PCNX2: variants seen among roughly 807,000 people sequenced by gnomAD.
PCNX2 encodes pecanex-like protein 2.
PCNX2 carries 168 observed loss-of-function variants against 223.8 expected under a neutral mutation model. The observed-to-expected ratio is 0.75, with a 90% CI of 0.66 to 0.85. PCNX2 has a LOEUF of 0.85. Ranked by LOEUF, PCNX2 falls within the 40% of genes least tolerant of loss-of-function variation. The pLI, the probability that PCNX2 is intolerant of heterozygous loss-of-function variation, is 0.00. For missense variants in PCNX2, 2,507 were observed against 2,675.5 expected, an observed-to-expected ratio of 0.94 and a Z score of 1.39; for synonymous variants, 1,006 against 1,052.6, an observed-to-expected ratio of 0.96 and a Z score of 0.86.
At chr1:233,038,876 GCTGATAACATTT>G (rs1671548161) in intron 25 of PCNX2, among the ~76,000 whole-genome samples, 1 of 152,200 alleles carries the variant, frequency 6.6e-6, no homozygotes, top group Non-Finnish European at 1.5e-5. Context: ...CTATGAGATG[GCTGATAACATTT>G]CACACAGACA....
intron 32 of PCNX2, among the ~76,000 whole-genome samples, chr1:232,989,778 A>G (rs543058076): frequency 3.3e-5 from 5 of 152,360 alleles, no homozygotes; most frequent in African/African-American, 9.6e-5. Flanking sequence ...GGGTGGGTAC[A>G]GTGTTTCTTA....
intron 25 of PCNX2, among the ~76,000 whole-genome samples, chr1:233,036,160 C>T (rs565972178): frequency 1.6e-4 from 25 of 152,138 alleles, no homozygotes; most frequent in Non-Finnish European, 2.6e-4. Context: ...CACGTCATGG[C>T]GGGGAACTTT....
At chr1:233,213,816 C>CTTTTTT (rs71173256) in intron 12 of PCNX2, among the ~76,000 whole-genome samples, 1 of 65,226 alleles carries the variant, frequency 1.5e-5, no homozygotes, top group Non-Finnish European at 2.8e-5. Context: ...CCAGTGCACT[C>CTTTTTT]TTTTTTTTTT....
intron 23 of PCNX2, among the ~76,000 whole-genome samples, chr1:233,061,217 C>G (rs1672394074): frequency 6.6e-6 from 1 of 152,100 alleles, no homozygotes; most frequent in African/African-American, 2.4e-5. Flanking sequence ...ATAGGCAGAC[C>G]AACCTTAAAG....
At chr1:233,155,297 C>T (rs1411630035) in intron 19 of PCNX2, among the ~76,000 whole-genome samples, 3 of 152,096 alleles carry the variant, frequency 2.0e-5, no homozygotes, top group Non-Finnish European at 2.9e-5. Flanking sequence ...CCTAGTGTCA[C>T]GGCCCACATT....
chr1:233,163,360 A>C (rs1678608619), intron 17 of PCNX2, among the ~76,000 whole-genome samples: 1 of 151,440 alleles, frequency 6.6e-6, no homozygotes, highest in Non-Finnish European at 1.5e-5. Context: ...GGTGGCTCAC[A>C]CCTGTGGTCC....
intron 21 of PCNX2, among the ~76,000 whole-genome samples, chr1:233,096,111 A>G (rs138204126): frequency 5.3e-5 from 8 of 152,360 alleles, no homozygotes; most frequent in Non-Finnish European, 1.0e-4. Context: ...CAACCTATAT[A>G]TATGGTGTAT....
At chr1:233,307,067 A>G in the PCNX2 span, among the ~76,000 whole-genome samples, 1 of 152,238 alleles carries the variant, frequency 6.6e-6, no homozygotes. Context: ...ATAAAGTTAC[A>G]TATAAAAGGA....
rs1450634864 is a variant in PCNX2, at chr1:233,295,432, G to C, written c.47C>G (p.Ala16Gly). 1 of 1,551,584 alleles carries C rather than the reference G, an allele frequency of 6.4e-7. No homozygotes were observed. The highest frequency in any genetic ancestry group is 8.7e-7 in the Non-Finnish European group (1 of 1,147,220). ...LQLLRQGVWA[A>G]LTGGWYHDPE... is the part of the protein sequence containing the mutation. ...GTCGTGGTACCAGCCCCCGGTGAGC[G>C]CGGCCCACACGCCCTGCCGGAGCAG... The change falls in exon 1 of 34, where the codon GCG becomes GGG. Residue 16 changes from alanine to glycine, a missense_variant. Physicochemically the swap from Ala to Gly is moderately conservative, Grantham distance 60. This residue lies in a region of PCNX2 where 1,031 missense variants were observed against 1,021.7 expected (regional missense o/e 1.01). Transcript: ENST00000258229. The surrounding 1 kb of genome is among the most constrained non-coding windows in gnomAD (Gnocchi z 4.1).
At chr1:233,123,540 C>T (rs1048101194) in intron 21 of PCNX2, among the ~76,000 whole-genome samples, 1 of 151,964 alleles carries the variant, frequency 6.6e-6, no homozygotes, top group South Asian at 2.1e-4. Flanking sequence ...CAAGATTGTG[C>T]CATTGCACTC....
chr1:233,317,189 G>C, the PCNX2 span, among the ~76,000 whole-genome samples: 10 of 152,172 alleles, frequency 6.6e-5, 1 homozygote, highest in Non-Finnish European at 1.5e-5. Flanking sequence ...TGAGGCAGGC[G>C]AATCAGCTGA....
intron 21 of PCNX2, among the ~76,000 whole-genome samples, chr1:233,106,345 C>A (rs945131007): frequency 1.3e-5 from 2 of 148,334 alleles, no homozygotes; most frequent in African/African-American, 5.0e-5. Context: ...CCTCTCCTCC[C>A]TCTTTTTTTT....
chr1:233,289,362 T>G, intron 1 of PCNX2: 2 of 1,187,264 alleles, frequency 1.7e-6, no homozygotes, highest in Non-Finnish European at 2.5e-6. Flanking sequence ...CATCTCCAGC[T>G]CCAGAAGAGC....
At chr1:233,262,252 T>A in intron 2 of PCNX2, 87 bp from the exon 3 acceptor site, 3 of 1,510,586 alleles carry the variant, frequency 2.0e-6, no homozygotes, top group Non-Finnish European at 2.7e-6. Context: ...AAAACTTTTT[T>A]TCCTAGAGTC....
At chr1:233,157,032 C>A (rs1678177647) in intron 19 of PCNX2, among the ~76,000 whole-genome samples, 1 of 152,144 alleles carries the variant, frequency 6.6e-6, no homozygotes, top group Non-Finnish European at 1.5e-5. Context: ...GCAAGGACAG[C>A]AGAGTGTTTG....
intron 5 of PCNX2, among the ~76,000 whole-genome samples, chr1:233,256,513 C>T (rs1468564076): frequency 1.3e-5 from 2 of 152,206 alleles, no homozygotes; most frequent in East Asian, 3.9e-4. Context: ...TGGGTTATCA[C>T]TGGCTAATAC....
At chr1:233,106,415 C>T (rs1421283881) in intron 21 of PCNX2, among the ~76,000 whole-genome samples, 1 of 139,594 alleles carries the variant, frequency 7.2e-6, no homozygotes, top group African/African-American at 2.7e-5. Flanking sequence ...TGCAGTGATG[C>T]AATCTTGGCT....
At chr1:233,187,354 G>A (rs1342901108) in intron 15 of PCNX2, among the ~76,000 whole-genome samples, 4 of 152,172 alleles carry the variant, frequency 2.6e-5, no homozygotes, top group Non-Finnish European at 4.4e-5. Flanking sequence ...TTCTGGAAGA[G>A]AGAAGATAAA....
At chr1:233,167,806 T>C (rs1678889438) in intron 17 of PCNX2, 2 of 981,848 alleles carry the variant, frequency 2.0e-6, no homozygotes, top group East Asian at 1.1e-4. Flanking sequence ...TCTAAAAAGT[T>C]TGTAACTTTG....
Sources: gnomAD v4.1 joint callset for allele counts (sites outside exome capture counted in the v4.1 genomes callset) on GRCh38, gnomAD v4.1.1 for gene constraint, gnomAD v4.1.1 regional missense constraint, Gnocchi (gnomAD v3.1) non-coding constraint, MANE v1.5 for transcripts, NCBI Gene and HGNC (gene_info 2026-07-23, HGNC 2026-07-21) for gene names.